Variants in CCDC144A observed in about 807,000 individuals in gnomAD.
CCDC144A encodes coiled-coil domain-containing protein 144A.
Under a neutral mutation model 143.8 loss-of-function variants are expected in CCDC144A, and 41 were observed. The observed-to-expected ratio is 0.29, with a 90% CI of 0.22 to 0.37. The LOEUF is 0.37. Ranked by LOEUF, CCDC144A falls within the 10% of genes least tolerant of loss-of-function variation. The pLI, the probability that CCDC144A is intolerant of heterozygous loss-of-function variation, is 1.00. For missense variants in CCDC144A, 637 were observed against 1,488.8 expected, an observed-to-expected ratio of 0.43 and a Z score of 9.41; for synonymous variants, 242 against 517.9, an observed-to-expected ratio of 0.47 and a Z score of 7.23.
chr17:16,764,292 G>A (rs1166020660), intron 15 of CCDC144A, 117 bp downstream of exon 15: 1 of 1,506,278 alleles, frequency 6.6e-7, no homozygotes, highest in African/African-American at 1.4e-5. Context: ...AATTACCTGT[G>A]TTAATAAAGA....
In CCDC144A at chr17:16,734,716, G is replaced by A; in HGVS notation, c.2445G>A (p.Lys815=). 6.3e-7 allele frequency: 1 copy of A among 1,581,900 alleles called. No individual in the cohort carries two copies. Among genetic ancestry groups the A allele is most frequent in the Non-Finnish European group, 8.6e-7 (1 of 1,167,468 alleles). The change falls in exon 12 of 17, where the codon AAG becomes AAA. Residue 815 remains lysine, a synonymous_variant. Transcript: ENST00000399273. ...TTTCTCATAGGCATCAGAAAGAAAA[G>A]GATCTCTTTCATGAAGATTGCATGT... The part of the protein sequence containing the change: ...SEISHRHQKE[K]DLFHEDCMLQ...
At chr17:16,746,767 G>T (rs2143298307) in intron 12 of CCDC144A, 3 of 1,600,260 alleles carry the variant, frequency 1.9e-6, no homozygotes, top group East Asian at 4.5e-5. Context: ...CCACCTGCGG[G>T]GAGCGCGCGG....
chr17:16,739,748 A>G (rs866967880), intron 12 of CCDC144A, among the ~76,000 whole-genome samples: 1 of 152,138 alleles, frequency 6.6e-6, no homozygotes, highest in African/African-American at 2.4e-5. Context: ...ATTCTCAGTT[A>G]TAATATATTG....
chr17:16,750,939 T>C (rs1914761640), intron 12 of CCDC144A, among the ~76,000 whole-genome samples: 1 of 152,216 alleles, frequency 6.6e-6, no homozygotes, highest in Admixed American at 6.5e-5. Context: ...TATACTGGCT[T>C]CCTTGGATTG....
At chr17:16,670,519 T>G in the CCDC144A span, among the ~76,000 whole-genome samples, 23 of 151,734 alleles carry the variant, frequency 1.5e-4, no homozygotes, top group African/African-American at 4.3e-4. Flanking sequence ...TATTATTTTA[T>G]TTTTTTGAGA....
intron 12 of CCDC144A, among the ~76,000 whole-genome samples, chr17:16,738,088 A>T (rs1484571796): frequency 6.6e-6 from 1 of 152,112 alleles, no homozygotes; most frequent in Non-Finnish European, 1.5e-5. Context: ...ATCTTTTGTG[A>T]ATGGGTACAG....
intron 6 of CCDC144A, among the ~76,000 whole-genome samples, chr17:16,718,474 G>T (rs1238411582): frequency 6.6e-6 from 1 of 152,144 alleles, no homozygotes. Context: ...CAAACTAATT[G>T]TCCTTAAAGT....
chr17:16,770,868 C>A (rs7213577), intron 15 of CCDC144A, among the ~76,000 whole-genome samples: 8 of 150,826 alleles, frequency 5.3e-5, no homozygotes, highest in South Asian at 4.2e-4. Context: ...TGAATTATTA[C>A]TTTTATAAGG....
At chr17:16,723,585 G>A (rs1913217751) in intron 8 of CCDC144A, among the ~76,000 whole-genome samples, 1 of 152,090 alleles carries the variant, frequency 6.6e-6, no homozygotes, top group Admixed American at 6.5e-5. Flanking sequence ...CAAGATCTAG[G>A]TGCTGGCAGA....
chr17:16,708,555 T>G (rs1032579097), intron 4 of CCDC144A, among the ~76,000 whole-genome samples: 15 of 152,170 alleles, frequency 9.9e-5, no homozygotes, highest in African/African-American at 3.6e-4. Context: ...TTCATATTTT[T>G]CTCCTCCTTT....
chr17:16,676,592 C>CA, the CCDC144A span, among the ~76,000 whole-genome samples: 2 of 151,500 alleles, frequency 1.3e-5, no homozygotes, highest in African/African-American at 4.8e-5. Flanking sequence ...ATAATTTAGA[C>CA]ACCATCAAAT....
upstream of CCDC144A, among the ~76,000 whole-genome samples, chr17:16,685,462 A>C (rs1273081062): frequency 2.1e-5 from 3 of 143,412 alleles, no homozygotes; most frequent in East Asian, 2.1e-4. Context: ...CTCACTGCAA[A>C]CTCCGCCTCC....
intron 8 of CCDC144A, among the ~76,000 whole-genome samples, chr17:16,724,787 A>ATTTTTTT (rs760344292): frequency 1.7e-4 from 6 of 35,108 alleles, no homozygotes; most frequent in Non-Finnish European, 2.1e-4. Context: ...GATTAACTGA[A>ATTTTTTT]TTTTTTTTTT....
chr17:16,748,562 G>T (rs1185747074), intron 12 of CCDC144A, among the ~76,000 whole-genome samples: 1 of 152,074 alleles, frequency 6.6e-6, no homozygotes, highest in African/African-American at 2.4e-5. Flanking sequence ...TTTATTCATT[G>T]TGTCTTTGCT....
intron 6 of CCDC144A, among the ~76,000 whole-genome samples, chr17:16,712,971 G>GT (rs1440273093): frequency 4.6e-5 from 7 of 151,606 alleles, no homozygotes; most frequent in Non-Finnish European, 1.0e-4. Flanking sequence ...TTAAATTTTT[G>GT]TTTTTTGCTG....
At chr17:16,671,889 C>T in the CCDC144A span, among the ~76,000 whole-genome samples, 1 of 151,970 alleles carries the variant, frequency 6.6e-6, no homozygotes, top group Non-Finnish European at 1.5e-5. Flanking sequence ...TTTGACTGTA[C>T]TTCTGCCCTT....
chr17:16,709,879 T>G (rs2621609), intron 5 of CCDC144A, among the ~76,000 whole-genome samples: 3 of 152,164 alleles, frequency 2.0e-5, no homozygotes, highest in Non-Finnish European at 2.9e-5. Context: ...TGAAACTCAT[T>G]TAGCCATATA....
At chr17:16,689,085 A>G (rs1286227195), upstream of CCDC144A, among the ~76,000 whole-genome samples, 2 of 152,126 alleles carry the variant, frequency 1.3e-5, no homozygotes, top group Non-Finnish European at 2.9e-5. Context: ...AATTGTCCTC[A>G]AGAATTAGTA....
At chr17:16,709,726 T>C in intron 5 of CCDC144A, 91 bp downstream of exon 5, 1 of 1,475,236 alleles carries the variant, frequency 6.8e-7, no homozygotes, top group Non-Finnish European at 9.1e-7. Context: ...ATGAAAAGCA[T>C]ACAGTTTGGT....
Sources: allele counts gnomAD v4.1 joint callset (sites outside exome capture counted in the v4.1 genomes callset), GRCh38; gene constraint gnomAD v4.1.1; transcripts MANE v1.5; gene names NCBI Gene and HGNC (gene_info 2026-07-23, HGNC 2026-07-21).